The following ATP2B4 variants were observed in gnomAD, a reference collection of about 807,000 sequenced individuals.
ATP2B4 encodes the protein ATPase plasma membrane Ca2+ transporting 4.
Under a neutral mutation model 110.3 loss-of-function variants are expected in ATP2B4, and 39 were observed. The ratio of observed to expected loss-of-function variants is 0.35; its 90% confidence interval spans 0.27 to 0.46. The LOEUF (loss-of-function observed/expected upper bound fraction) is 0.46, where lower values mean the gene tolerates loss of function less well. Among genes scored for constraint, ATP2B4 ranks in the 20% least tolerant of loss-of-function variants. The pLI is 1.00. For missense variants in ATP2B4, 1,135 were observed against 1,530.9 expected, an observed-to-expected ratio of 0.74 and a Z score of 4.32; for synonymous variants, 538 against 571.7, an observed-to-expected ratio of 0.94 and a Z score of 0.84.
intron 8 of ATP2B4, among the ~76,000 whole-genome samples, chr1:203,705,742 C>G (rs1482973506): frequency 6.6e-6 from 1 of 152,184 alleles, no homozygotes; most frequent in Non-Finnish European, 1.5e-5. Flanking sequence ...TTACAGAGTA[C>G]AAGCTACCTG....
chr1:203,660,553 G>A (rs1012517746), intron 1 of ATP2B4, among the ~76,000 whole-genome samples: 2 of 152,136 alleles, frequency 1.3e-5, no homozygotes, highest in Admixed American at 6.5e-5. Flanking sequence ...TGTAATTCCA[G>A]CACTTTGGGA....
At chr1:203,723,434 C>T in intron 18 of ATP2B4, among the ~76,000 whole-genome samples, 1 of 126,440 alleles carries the variant, frequency 7.9e-6, no homozygotes, top group Non-Finnish European at 1.7e-5. Context: ...CTCTCTCTCT[C>T]TCTCTCTCTC....
intron 20 of ATP2B4, among the ~76,000 whole-genome samples, chr1:203,737,682 TGTG>T: frequency 6.6e-6 from 1 of 152,274 alleles, no homozygotes; most frequent in Non-Finnish European, 1.5e-5. Context: ...ATAATAAAAA[TGTG>T]GTCCTCGCTG....
intron 2 of ATP2B4, among the ~76,000 whole-genome samples, chr1:203,683,890 C>T (rs1261754051): frequency 1.3e-5 from 2 of 151,854 alleles, no homozygotes; most frequent in Non-Finnish European, 2.9e-5. Flanking sequence ...TGCCTAGACT[C>T]ATCTCAAACT....
At chr1:203,720,847 C>T in intron 16 of ATP2B4, 107 bp downstream of exon 16, 1 of 1,308,798 alleles carries the variant, frequency 7.6e-7, no homozygotes, top group Non-Finnish European at 1.0e-6. Context: ...AGCGTTTCCC[C>T]ATGACATTGG....
chr1:203,700,685 C>A, intron 5 of ATP2B4, 113 bp from the exon 6 acceptor site: 1 of 1,412,308 alleles, frequency 7.1e-7, no homozygotes, highest in African/African-American at 1.4e-5. Flanking sequence ...CTAAGCACAT[C>A]ATTATCCATG....
chr1:203,694,942 T>C (rs1665488571), intron 2 of ATP2B4, among the ~76,000 whole-genome samples: 1 of 151,854 alleles, frequency 6.6e-6, no homozygotes, highest in Non-Finnish European at 1.5e-5. Context: ...ATATAGGAGA[T>C]GGGGGCTGGG....
At position 203,707,991 on chromosome 1, in the gene ATP2B4, A is replaced by G. The variant is rs1665898978; in HGVS notation, c.1444A>G (p.Ile482Val). 2 of 1,614,056 alleles carry G rather than the reference A, an allele frequency of 1.2e-6. No homozygotes were observed. The highest frequency in any genetic ancestry group is 1.7e-6 in the Non-Finnish European group (2 of 1,180,038). ...CCGCATGACTGTGGTACAAGCTTAT[A>G]TTGGGGGCATCCATTACCGTCAAAT... is the stretch of plus-strand genomic sequence containing the variant. ...MNRMTVVQAY[I>V]GGIHYRQIPS... is the part of the protein sequence containing the mutation. Residue 482 changes from isoleucine to valine, a missense_variant, in exon 10 of 21, where the codon ATT (isoleucine) becomes GTT (valine). Coordinates refer to ENST00000357681, the MANE Select transcript of ATP2B4 (RefSeq NM_001684.5).
chr1:203,687,855 G>A lies in ATP2B4; in HGVS notation c.193+4457G>A, dbSNP rs146326428. 2.5e-3 allele frequency among the ~76,000 whole-genome samples: 374 copies of A among 152,184 alleles called. 2 individuals carry two copies. Among genetic ancestry groups the A allele is most frequent in the Non-Finnish European group, 4.2e-3 (288 of 68,010 alleles). On this transcript the variant is annotated intron_variant, in intron 2 of 20. Transcript: ENST00000357681. Reference sequence around the variant, plus strand: ...GTGCTTTAGCTAAGATACTCTGTGAGACTGCTCTAGCATAAGAAGCATTTA... The same window carrying A: ...GTGCTTTAGCTAAGATACTCTGTGAAACTGCTCTAGCATAAGAAGCATTTA...
Position 203,683,181 on chromosome 1 carries a change from G to A in ATP2B4, c.-25G>A, listed in dbSNP as rs377159132. The A allele has an allele frequency of 6.2e-6, 10 of 1,607,470 alleles. No individual in the cohort carries two copies. The African/African-American group carries it at 1.2e-4, about 19-fold the overall frequency. Reference sequence around the variant, plus strand: ...GGGAAACGCTACATCTTCTCTGGTTGAGGGGCTTGGTAACAGCAGGCAAAA... The same window carrying A: ...GGGAAACGCTACATCTTCTCTGGTTAAGGGGCTTGGTAACAGCAGGCAAAA... On this transcript the variant is annotated 5_prime_UTR_variant, in exon 2 of 21. Coordinates refer to ENST00000357681, the MANE Select transcript of ATP2B4 (RefSeq NM_001684.5).
chr1:203,627,426 G>T (rs1245921615), intron 1 of ATP2B4, among the ~76,000 whole-genome samples: 1 of 152,036 alleles, frequency 6.6e-6, no homozygotes, highest in Non-Finnish European at 1.5e-5. Context: ...CCATATAGTC[G>T]AACAAGTGAT....
rs1571718858 is a variant in ATP2B4, at chr1:203,683,463, C to G, written c.193+65C>G. 4.0e-6 allele frequency: 6 copies of G among 1,481,792 alleles called. No individual in the cohort carries two copies. In the South Asian group the frequency reaches 4.2e-5, roughly 10 times the overall value. 91.8% of individuals were successfully genotyped at this position (1,481,792 alleles called of 1,614,324 possible). A position where few individuals can be genotyped will look rare whatever the true frequency, so the allele number is the denominator to read the frequency against. On this transcript the variant is annotated intron_variant, in intron 2 of 20. Transcript: ENST00000357681. ...GCTAGTGTTTCAAAATATTGTTTTCCCAGCTTCTAGAGAAGGCACATTTCT... is the reference window on the plus strand; with the variant it reads ...GCTAGTGTTTCAAAATATTGTTTTCGCAGCTTCTAGAGAAGGCACATTTCT...
chr1:203,744,029 A>G lies in ATP2B4; in HGVS notation c.*4175A>G, dbSNP rs1190979165. ...AGCCAATAAAGCTTTTTGCTGATGAACAGAAACCAATACTGCTGTGCACTG... is the reference window on the plus strand; with the variant it reads ...AGCCAATAAAGCTTTTTGCTGATGAGCAGAAACCAATACTGCTGTGCACTG... On this transcript the variant is annotated 3_prime_UTR_variant, in exon 21 of 21. Transcript: ENST00000357681. 6.6e-6 allele frequency: 1 copy of G among 152,658 alleles called. No individual in the cohort carries two copies. The highest frequency in any genetic ancestry group is 2.4e-5 in the African/African-American group (1 of 41,448). 9.5% of individuals were successfully genotyped at this position (152,658 alleles called of 1,614,324 possible). A position where few individuals can be genotyped will look rare whatever the true frequency, so the allele number is the denominator to read the frequency against.
At chr1:203,695,500 G>A (rs1005457801) in intron 2 of ATP2B4, among the ~76,000 whole-genome samples, 4 of 152,146 alleles carry the variant, frequency 2.6e-5, no homozygotes, top group Admixed American at 2.0e-4. Flanking sequence ...AGCTCTGCGG[G>A]GCTCAGCTGT....
intron 20 of ATP2B4, among the ~76,000 whole-genome samples, chr1:203,731,315 C>G (rs1666702124): frequency 1.3e-5 from 2 of 152,192 alleles, no homozygotes; most frequent in African/African-American, 2.4e-5. Flanking sequence ...CTGTCTCACT[C>G]ACATTCTGCC....
chr1:203,739,709 AG>A lies in ATP2B4; in HGVS notation c.3475del (p.Ala1159LeufsTer43). The part of the protein sequence containing the change: ...LDEEEEENPD[K>X]ASKFGTRVLL... ...GAGGAAGAGGAGGAAAATCCTGACA[AG>A]GCTTCTAAGTTTGGGACTAGGGTGC... On this transcript the variant is annotated frameshift_variant, in exon 21 of 21. Transcript: ENST00000357681. LOFTEE classifies it low-confidence loss of function (END_TRUNC). The A allele has an allele frequency of 6.2e-7, 1 of 1,614,156 alleles. No homozygotes were observed. Among genetic ancestry groups the A allele is most frequent in the Non-Finnish European group, 8.5e-7 (1 of 1,180,016 alleles).
intron 17 of ATP2B4, 63 bp from the exon 18 acceptor site, chr1:203,722,415 A>G: frequency 7.6e-7 from 1 of 1,317,330 alleles, no homozygotes; most frequent in Non-Finnish European, 1.1e-6. Context: ...TATCTGTACC[A>G]ACACATTCTT....
Position 203,740,829 on chromosome 1 carries a change from T to C in ATP2B4, c.*975T>C, listed in dbSNP as rs1666982950. On this transcript the variant is annotated 3_prime_UTR_variant, in exon 21 of 21. Transcript: ENST00000357681. ...CCTGCCCCCTTACTGGGCTTGGATATTGAGGACCAGACGCTGCCAAATCTA... is the reference window on the plus strand; with the variant it reads ...CCTGCCCCCTTACTGGGCTTGGATACTGAGGACCAGACGCTGCCAAATCTA... The C allele has an allele frequency of 6.6e-6, 1 of 152,238 alleles. No homozygotes were observed. Among genetic ancestry groups the C allele is most frequent in the South Asian group, 2.1e-4 (1 of 4,828 alleles). The allele number at this position is 152,238 out of a possible 1,614,324, so 9.4% of individuals were successfully genotyped here. A position where few individuals can be genotyped will look rare whatever the true frequency, so the allele number is the denominator to read the frequency against.
chr1:203,735,014 A>C (rs1205229664), intron 20 of ATP2B4, among the ~76,000 whole-genome samples: 8 of 151,516 alleles, frequency 5.3e-5, no homozygotes, highest in Admixed American at 6.6e-5. Flanking sequence ...AAAAAAAAAA[A>C]AAAAAAAAAA....
Sources: allele counts gnomAD v4.1 joint callset (sites outside exome capture counted in the v4.1 genomes callset), GRCh38; gene constraint gnomAD v4.1.1; transcripts MANE v1.5; gene names NCBI Gene and HGNC (gene_info 2026-07-23, HGNC 2026-07-21).